GALNT2: variants seen among roughly 807,000 people sequenced by gnomAD.
GALNT2 encodes the protein polypeptide N-acetylgalactosaminyltransferase 2.
Under a neutral mutation model 81.4 loss-of-function variants are expected in GALNT2, and 31 were observed. That is an observed-to-expected ratio of 0.38 (90% CI 0.29 to 0.51). GALNT2 has a LOEUF of 0.51. Among genes scored for constraint, GALNT2 ranks in the 20% least tolerant of loss-of-function variants. The pLI, the probability that GALNT2 is intolerant of heterozygous loss-of-function variation, is 0.87. For synonymous variants in GALNT2, 303 were observed against 287.4 expected, an observed-to-expected ratio of 1.05 and a Z score of -0.55; for missense variants, 629 against 765.7, an observed-to-expected ratio of 0.82 and a Z score of 2.11.
chr1:230,065,972 T>C (rs1353394286), upstream of GALNT2, among the ~76,000 whole-genome samples: 4 of 152,248 alleles, frequency 2.6e-5, no homozygotes, highest in South Asian at 8.3e-4. Flanking sequence ...TGTTGGACTT[T>C]CTATTTATAA....
chr1:230,155,811 G>C (rs1662232285), intron 1 of GALNT2, among the ~76,000 whole-genome samples: 1 of 152,226 alleles, frequency 6.6e-6, no homozygotes, highest in Non-Finnish European at 1.5e-5. Flanking sequence ...GGCACTCTGA[G>C]GGTCGCTAAG....
intron 3 of GALNT2, among the ~76,000 whole-genome samples, chr1:230,212,919 C>T (rs926077647): frequency 1.2e-4 from 18 of 152,098 alleles, no homozygotes; most frequent in African/African-American, 4.3e-4. Flanking sequence ...TATAAGTAGA[C>T]TGTATTGATT....
chr1:230,160,329 T>C (rs1213878885), intron 1 of GALNT2, among the ~76,000 whole-genome samples: 1 of 152,158 alleles, frequency 6.6e-6, no homozygotes, highest in East Asian at 1.9e-4. Flanking sequence ...GAGTGAGCCT[T>C]AGGAAGGGCG....
intron 2 of GALNT2, 113 bp from the exon 3 acceptor site, chr1:230,203,024 C>T: frequency 8.6e-7 from 1 of 1,167,460 alleles, no homozygotes; most frequent in Non-Finnish European, 1.2e-6. Context: ...AAAATGGCCA[C>T]TATATAAAGA....
Position 230,227,186 on chromosome 1 carries a change from A to C in GALNT2, c.375-8828A>C, listed in dbSNP as rs530942276. Among the ~76,000 whole-genome samples the C allele has an allele frequency of 5.3e-5, 8 of 152,128 alleles. No individual in the cohort carries two copies. The South Asian group carries it at 1.4e-3, about 28-fold the overall frequency. On this transcript the variant is annotated intron_variant, in intron 3 of 15. Coordinates refer to ENST00000366672, the MANE Select transcript of GALNT2 (RefSeq NM_004481.5). ...CTCTTAAGAAATAAAAAAATGAATA[A>C]GTGCAAACCATCAAAAGAAATTTTC... is the stretch of plus-strand genomic sequence containing the variant.
At chr1:230,081,882 C>T (rs542547040) in intron 1 of GALNT2, among the ~76,000 whole-genome samples, 1 of 152,336 alleles carries the variant, frequency 6.6e-6, no homozygotes, top group East Asian at 1.9e-4. Context: ...TACGGAGTAG[C>T]TGTGGGACAT....
intron 1 of GALNT2, among the ~76,000 whole-genome samples, chr1:230,175,773 C>T (rs1479173191): frequency 6.6e-6 from 1 of 151,406 alleles, no homozygotes; most frequent in Non-Finnish European, 1.5e-5. Flanking sequence ...GAGTCCAGAA[C>T]AAAACAGTCC....
At chr1:230,204,933 G>T (rs76327518) in intron 3 of GALNT2, among the ~76,000 whole-genome samples, 1 of 152,312 alleles carries the variant, frequency 6.6e-6, no homozygotes, top group East Asian at 1.9e-4. Context: ...GGGTTGGGCA[G>T]TCTACTTTGC....
intron 1 of GALNT2, among the ~76,000 whole-genome samples, chr1:230,107,441 G>A (rs528626218): frequency 1.3e-5 from 2 of 152,282 alleles, no homozygotes; most frequent in African/African-American, 4.8e-5. Flanking sequence ...TTAGCCAAGT[G>A]TGGTGGCACA....
intron 1 of GALNT2, among the ~76,000 whole-genome samples, chr1:230,073,431 T>C (rs1659434979): frequency 6.6e-6 from 1 of 152,222 alleles, no homozygotes; most frequent in African/African-American, 2.4e-5. Flanking sequence ...TAGGGTTCCC[T>C]GCTCTAAGCA....
chr1:230,075,606 ACTG>A (rs1659521769), intron 1 of GALNT2, among the ~76,000 whole-genome samples: 1 of 152,150 alleles, frequency 6.6e-6, no homozygotes, highest in Admixed American at 6.6e-5. Context: ...TGTGCCAGGC[ACTG>A]CTTGAGTGTT....
At chr1:230,186,402 G>A (rs1663339005) in intron 2 of GALNT2, among the ~76,000 whole-genome samples, 1 of 152,204 alleles carries the variant, frequency 6.6e-6, no homozygotes, top group Admixed American at 6.5e-5. Flanking sequence ...GCTCCTGGAT[G>A]AGTCATGAAG....
In GALNT2 at chr1:230,070,996, A is replaced by G. The variant is rs771312935; in HGVS notation, c.126+3590A>G. Among the ~76,000 whole-genome samples, 5 of 152,130 alleles carry G rather than the reference A, an allele frequency of 3.3e-5. No homozygotes were observed. The highest frequency in any genetic ancestry group is 1.2e-4 in the African/African-American group (5 of 41,410). The stretch of plus-strand genomic sequence containing the variant: ...AACCTCTCTGACCCTCAGTTTCCTC[A>G]TCTTTGCAGTGGGAGTAATCATTCT... On this transcript the variant is annotated intron_variant, in intron 1 of 15. Coordinates refer to ENST00000366672, the MANE Select transcript of GALNT2 (RefSeq NM_004481.5). The surrounding 1 kb of genome is among the most constrained non-coding windows in gnomAD (Gnocchi z 4.7).
intron 1 of GALNT2, among the ~76,000 whole-genome samples, chr1:230,150,094 C>G (rs1388813738): frequency 6.6e-6 from 1 of 152,230 alleles, no homozygotes. Flanking sequence ...TGTGGGGCTG[C>G]TGAGGCAGAG....
At position 230,236,371 on chromosome 1, in the gene GALNT2, G is replaced by A. The variant is rs34897003; in HGVS notation, c.492G>A (p.Pro164=). 16,118 of 1,613,692 alleles carry A rather than the reference G, an allele frequency of 1.0e-2. 100 individuals are homozygous for A. The highest frequency in any genetic ancestry group is 0.021 in the Middle Eastern group (127 of 6,060). Reference sequence around the variant, plus strand: ...TTCTTAGCGTGCTTAAGAAAAGCCCGCCCCATCTCATAAAAGAAATCATCT... The same window carrying A: ...TTCTTAGCGTGCTTAAGAAAAGCCCACCCCATCTCATAAAAGAAATCATCT... ...RTVVSVLKKS[P]PHLIKEIILV... is the part of the protein sequence containing the mutation. The change falls in exon 5 of 16, where the codon CCG becomes CCA. Residue 164 remains proline (P), a synonymous_variant. Transcript: ENST00000366672.
rs753827934 is a variant in GALNT2 at position 230,203,168 on chromosome 1, A to G, written c.252A>G (p.Glu84=). The change falls in exon 3 of 16, where the codon GAA becomes GAG. Residue 84 remains glutamate, a synonymous_variant. Transcript: ENST00000366672. ...GKVRWPDFNQ[E]AYVGGTMVRS... is the part of the protein sequence containing the mutation. ...TACGGTGGCCAGACTTTAACCAGGA[A>G]GCTTATGTTGGAGGGACGATGGTCC... 3.1e-6 allele frequency: 5 copies of G among 1,614,016 alleles called. No individual in the cohort carries two copies. In the African/African-American group the frequency reaches 6.7e-5, roughly 22 times the overall value.
In GALNT2 at chr1:230,184,402, G is replaced by A. The variant is rs1663254405; in HGVS notation, c.220+6091G>A. ...GATGGGGTTTCACCACATTAGGCAG[G>A]ATGGTCTCGATCTCCTGACCTCGTG... is the stretch of plus-strand genomic sequence containing the variant. On this transcript the variant is annotated intron_variant, in intron 2 of 15. Coordinates refer to ENST00000366672, the MANE Select transcript of GALNT2 (RefSeq NM_004481.5). 2.0e-5 allele frequency among the ~76,000 whole-genome samples: 3 copies of A among 151,994 alleles called. No individual in the cohort carries two copies. In the South Asian group the frequency reaches 6.2e-4, roughly 32 times the overall value.
intron 1 of GALNT2, among the ~76,000 whole-genome samples, chr1:230,085,405 G>A (rs575505652): frequency 3.3e-5 from 5 of 152,296 alleles, no homozygotes; most frequent in East Asian, 3.9e-4. Context: ...AGGTTGCCCC[G>A]TGGAGGCTGT....
At chr1:230,156,067 G>GTT (rs1430043712) in intron 1 of GALNT2, among the ~76,000 whole-genome samples, 1 of 152,020 alleles carries the variant, frequency 6.6e-6, no homozygotes, top group Non-Finnish European at 1.5e-5. Flanking sequence ...AAGCTTTTGT[G>GTT]TTTTTAGGGT....
Sources: allele counts gnomAD v4.1 joint callset (sites outside exome capture counted in the v4.1 genomes callset), GRCh38; gene constraint gnomAD v4.1.1; non-coding constraint Gnocchi (gnomAD v3.1); transcripts MANE v1.5; gene names NCBI Gene and HGNC (gene_info 2026-07-23, HGNC 2026-07-21).